Variants in ANKRD62 observed in about 807,000 individuals in gnomAD.
The protein encoded by ANKRD62 is ankyrin repeat domain 62.
In ANKRD62, 61 loss-of-function variants were observed where a neutral mutation model predicts 98.8. The ratio of observed to expected loss-of-function variants is 0.62; its 90% CI spans 0.50 to 0.76. The LOEUF (loss-of-function observed/expected upper bound fraction) is 0.76. ANKRD62 is among the 30% of genes least tolerant of loss of function. The pLI is 0.00. For synonymous variants in ANKRD62, 341 were observed against 367.9 expected, an observed-to-expected ratio of 0.93 and a Z score of 0.84; for missense variants, 933 against 1,082.9, an observed-to-expected ratio of 0.86 and a Z score of 1.94.
At chr18:12,115,881 T>C (rs1909654014) in intron 10 of ANKRD62, among the ~76,000 whole-genome samples, 1 of 152,204 alleles carries the variant, frequency 6.6e-6, no homozygotes, top group South Asian at 2.1e-4. Flanking sequence ...TCCAAAGCCA[T>C]GGTCTATTCT....
At chr18:12,120,409 A>G (rs1479062790) in intron 10 of ANKRD62, among the ~76,000 whole-genome samples, 1 of 152,184 alleles carries the variant, frequency 6.6e-6, no homozygotes, top group African/African-American at 2.4e-5. Flanking sequence ...ATTGCTGGAA[A>G]TTGTTTTGCT....
chr18:12,125,020 C>T (rs1909857596), intron 12 of ANKRD62, among the ~76,000 whole-genome samples: 1 of 152,072 alleles, frequency 6.6e-6, no homozygotes, highest in South Asian at 2.1e-4. Context: ...GAAAAAGAAA[C>T]TTAAGGAATT....
rs1909526982 is a variant in ANKRD62, at chr18:12,111,066, G to C, written c.1064+3599G>C. On this transcript the variant is annotated intron_variant, in intron 8 of 13. Transcript: ENST00000587848. ...CAGGAGATTGAGACCATCCTAACAT[G>C]ATGAAACCCTGTCTCTACTAAAAAT... Among the ~76,000 whole-genome samples the C allele has an allele frequency of 4.9e-5, 7 of 141,624 alleles. No individual in the cohort carries two copies. The South Asian group carries it at 1.6e-3, about 32-fold the overall frequency. The allele number at this position is 141,624 out of a possible 152,430, so 92.9% of individuals were successfully genotyped here. A position where few individuals can be genotyped will look rare whatever the true frequency, so the allele number is the denominator to read the frequency against.
chr18:12,152,177 CAAAAAAAAAAAA>C, the ANKRD62 span, among the ~76,000 whole-genome samples: 9 of 68,256 alleles, frequency 1.3e-4, no homozygotes, highest in South Asian at 6.8e-4. Flanking sequence ...GAAATGCTTC[CAAAAAAAAAAAA>C]AAAAAAAAAA....
At chr18:12,127,716 T>C in intron 13 of ANKRD62, 32 bp from the exon 14 acceptor site, 1 of 1,346,640 alleles carries the variant, frequency 7.4e-7, no homozygotes, top group Non-Finnish European at 9.5e-7. Context: ...AAGTGATATG[T>C]AAAATCAGTA....
rs1028017162 is a variant in ANKRD62, at chr18:12,127,875, A to C, written c.2690A>C (p.Lys897Thr). ...NLEDEAQSLK[K>T]KLGQMRSQVC... is the part of the protein sequence containing the mutation. ...GAAGATGAGGCACAAAGTTTAAAAA[A>C]GAAATTAGGCCAGATGAGAAGTCAA... is the stretch of plus-strand genomic sequence containing the variant. Residue 897 changes from lysine to threonine, a missense_variant, in exon 14 of 14, where the codon AAG becomes ACG. This residue lies in a region of ANKRD62 where 362 missense variants were observed against 434.5 expected (regional missense o/e 0.83). Transcript: ENST00000587848. 2.4e-5 allele frequency: 37 copies of C among 1,525,676 alleles called. No homozygotes were observed. In the African/African-American group the frequency reaches 4.8e-4, roughly 20 times the overall value. The allele number at this position is 1,525,676 out of a possible 1,614,324, so 94.5% of individuals were successfully genotyped here. A position where few individuals can be genotyped will look rare whatever the true frequency, so the allele number is the denominator to read the frequency against.
chr18:12,153,622 A>AG, the ANKRD62 span, among the ~76,000 whole-genome samples: 4 of 150,236 alleles, frequency 2.7e-5, no homozygotes, highest in African/African-American at 4.9e-5. Context: ...AAAGAAAGAA[A>AG]AAAATGATTT....
intron 10 of ANKRD62, among the ~76,000 whole-genome samples, chr18:12,120,303 C>T (rs1172538568): frequency 6.6e-6 from 1 of 152,042 alleles, no homozygotes; most frequent in Non-Finnish European, 1.5e-5. Context: ...GCCTCATGTA[C>T]TTTGAATTTC....
intron 11 of ANKRD62, among the ~76,000 whole-genome samples, chr18:12,123,714 G>C (rs1472276135): frequency 6.6e-6 from 1 of 152,174 alleles, no homozygotes; most frequent in Non-Finnish European, 1.5e-5. Flanking sequence ...ATCATGTTTA[G>C]GGATACCTGC....
intron 5 of ANKRD62, among the ~76,000 whole-genome samples, chr18:12,098,054 A>G (rs1274707167): frequency 6.6e-6 from 1 of 152,156 alleles, no homozygotes; most frequent in Non-Finnish European, 1.5e-5. Flanking sequence ...ATTAGTTGGG[A>G]TAGTTCTAAC....
chr18:12,107,529 A>T (rs143982054), intron 8 of ANKRD62, 62 bp downstream of exon 8: 2 of 1,241,644 alleles, frequency 1.6e-6, no homozygotes, highest in African/African-American at 3.1e-5. Context: ...ATGAATTCTA[A>T]TTTGGGTTAA....
chr18:12,158,690 A>ATTTTTT, the ANKRD62 span, among the ~76,000 whole-genome samples: 4 of 132,430 alleles, frequency 3.0e-5, no homozygotes, highest in Non-Finnish European at 4.8e-5. Context: ...TGCCTGGCTA[A>ATTTTTT]TTTTTTTTTT....
the ANKRD62 span, among the ~76,000 whole-genome samples, chr18:12,139,241 G>A: frequency 6.6e-6 from 1 of 152,104 alleles, no homozygotes. Flanking sequence ...CAGGCCTGGT[G>A]GTGACAAAAT....
chr18:12,152,238 A>T, the ANKRD62 span, among the ~76,000 whole-genome samples: 1 of 149,708 alleles, frequency 6.7e-6, no homozygotes, highest in African/African-American at 2.4e-5. Flanking sequence ...ACATTCTATG[A>T]GGCCAGCATT....
At chr18:12,152,663 A>G in the ANKRD62 span, among the ~76,000 whole-genome samples, 5 of 152,210 alleles carry the variant, frequency 3.3e-5, no homozygotes, top group Admixed American at 3.3e-4. Context: ...TCCCCTCAAA[A>G]ACCAGCACAA....
the ANKRD62 span, among the ~76,000 whole-genome samples, chr18:12,168,803 T>C: frequency 1.3e-5 from 2 of 152,234 alleles, no homozygotes; most frequent in Non-Finnish European, 2.9e-5. Context: ...TGTCCTCTTT[T>C]ATTTCGTTGA....
chr18:12,160,997 CACTA>C, the ANKRD62 span, among the ~76,000 whole-genome samples: 1 of 152,090 alleles, frequency 6.6e-6, no homozygotes, highest in African/African-American at 2.4e-5. Context: ...GCTCATGACA[CACTA>C]ACAAGTTTTT....
the ANKRD62 span, among the ~76,000 whole-genome samples, chr18:12,135,962 G>T: frequency 3.9e-5 from 6 of 152,170 alleles, no homozygotes; most frequent in South Asian, 6.2e-4. Flanking sequence ...CAGATCAGTA[G>T]ATTTCAAATA....
At chr18:12,174,918 T>A in the ANKRD62 span, among the ~76,000 whole-genome samples, 334 of 152,358 alleles carry the variant, frequency 2.2e-3, 1 homozygote, top group Non-Finnish European at 1.6e-3. Flanking sequence ...CTCCAATGGG[T>A]GGTGCCAGCC....
Sources: allele counts gnomAD v4.1 joint callset (sites outside exome capture counted in the v4.1 genomes callset), GRCh38; gene constraint gnomAD v4.1.1; regional missense constraint gnomAD v4.1.1; transcripts MANE v1.5; gene names NCBI Gene and HGNC (gene_info 2026-07-23, HGNC 2026-07-21).